Variants in HSD17B12 observed in about 807,000 individuals in gnomAD.
HSD17B12 encodes the protein hydroxysteroid 17-beta dehydrogenase 12, also known as very-long-chain 3-oxoacyl-CoA reductase.
Under a neutral mutation model 39.3 loss-of-function variants are expected in HSD17B12, and 32 were observed. The observed-to-expected ratio is 0.81, with a 90% confidence interval of 0.61 to 1.09. The LOEUF is 1.09. Among genes scored for constraint, HSD17B12 ranks in the 50% least tolerant of loss-of-function variants. The pLI, the probability that HSD17B12 is intolerant of heterozygous loss-of-function variation, is 0.00. For synonymous variants in HSD17B12, 150 were observed against 146.7 expected, an observed-to-expected ratio of 1.02 and a Z score of -0.16; for missense variants, 342 against 382.9, an observed-to-expected ratio of 0.89 and a Z score of 0.89.
Position 43,680,757 on chromosome 11 carries a change from C to A in HSD17B12, c.-71C>A. 2.9e-6 allele frequency: 4 copies of A among 1,399,476 alleles called. No homozygotes were observed. The highest frequency in any genetic ancestry group is 4.1e-6 in the Non-Finnish European group (4 of 986,480). The allele number at this position is 1,399,476 out of a possible 1,614,324, so 86.7% of individuals were successfully genotyped here. Reference sequence around the variant, plus strand: ...ATTAGTGTCATCCTCACCGTCACGGCCGGCGCCTCCTCCTGGATTCATTCA... The same window carrying A: ...ATTAGTGTCATCCTCACCGTCACGGACGGCGCCTCCTCCTGGATTCATTCA... On this transcript the variant is annotated 5_prime_UTR_variant, in exon 1 of 11. Coordinates refer to ENST00000278353, the MANE Select transcript of HSD17B12 (RefSeq NM_016142.3).
the HSD17B12 span, among the ~76,000 whole-genome samples, chr11:43,598,168 C>CA: frequency 6.6e-6 from 1 of 152,126 alleles, no homozygotes; most frequent in African/African-American, 2.4e-5. Flanking sequence ...GGCCTCCAGA[C>CA]ACCCAGAGTT....
chr11:43,733,439 A>C (rs1335591663), intron 1 of HSD17B12, among the ~76,000 whole-genome samples: 1 of 152,210 alleles, frequency 6.6e-6, no homozygotes, highest in Non-Finnish European at 1.5e-5. Flanking sequence ...TTGTCTGTAA[A>C]GTATCTGCTA....
the HSD17B12 span, among the ~76,000 whole-genome samples, chr11:43,662,142 G>A: frequency 6.6e-6 from 1 of 151,762 alleles, no homozygotes; most frequent in Non-Finnish European, 1.5e-5. Context: ...CCAGACTGCA[G>A]TGTGCTGTGA....
At chr11:43,756,417 A>G (rs1950508327) in intron 3 of HSD17B12, among the ~76,000 whole-genome samples, 1 of 152,164 alleles carries the variant, frequency 6.6e-6, no homozygotes, top group South Asian at 2.1e-4. Context: ...GAATTAAGCC[A>G]TGACACTAAT....
In HSD17B12 at chr11:43,804,260, G is replaced by A. The variant is rs569685116; in HGVS notation, c.391+5833G>A. ...TTTCCCCATGCCAGATGCTCTCAAG[G>A]CCTTCTCTGTCCATAGTGTTGATGG... On this transcript the variant is annotated intron_variant, in intron 4 of 10. Transcript: ENST00000278353. Among the ~76,000 whole-genome samples, 31 of 152,236 alleles carry A rather than the reference G, an allele frequency of 2.0e-4. No individual in the cohort carries two copies. The South Asian group carries it at 5.8e-3, about 29-fold the overall frequency.
intron 1 of HSD17B12, among the ~76,000 whole-genome samples, chr11:43,681,723 A>T (rs1949746994): frequency 6.6e-6 from 1 of 151,660 alleles, no homozygotes; most frequent in Non-Finnish European, 1.5e-5. Flanking sequence ...ACCCGTAAAG[A>T]GTGAACCAAA....
At chr11:43,702,230 G>A (rs928893221) in intron 1 of HSD17B12, among the ~76,000 whole-genome samples, 1 of 152,108 alleles carries the variant, frequency 6.6e-6, no homozygotes, top group Non-Finnish European at 1.5e-5. Flanking sequence ...GTTTTCTCAT[G>A]GAGTCCTTTG....
At chr11:43,692,830 A>T (rs1188926490) in intron 1 of HSD17B12, among the ~76,000 whole-genome samples, 1 of 145,726 alleles carries the variant, frequency 6.9e-6, no homozygotes, top group Non-Finnish European at 1.5e-5. Context: ...TCTCTTTGAT[A>T]GTAAATACAT....
chr11:43,824,421 A>G (rs993500756), intron 6 of HSD17B12, among the ~76,000 whole-genome samples: 1 of 152,220 alleles, frequency 6.6e-6, no homozygotes, highest in African/African-American at 2.4e-5. Context: ...GGTAGTTTAT[A>G]AAGAGCATAA....
intron 3 of HSD17B12, among the ~76,000 whole-genome samples, chr11:43,764,937 T>C (rs2134972891): frequency 6.6e-6 from 1 of 152,282 alleles, no homozygotes; most frequent in South Asian, 2.1e-4. Context: ...AACCTACCAA[T>C]TGCTTTTTGT....
At chr11:43,690,813 G>T (rs935401836) in intron 1 of HSD17B12, among the ~76,000 whole-genome samples, 6 of 151,972 alleles carry the variant, frequency 3.9e-5, no homozygotes, top group Non-Finnish European at 7.4e-5. Context: ...CTGTAAAATT[G>T]GGATAATTAT....
the HSD17B12 span, among the ~76,000 whole-genome samples, chr11:43,575,200 T>C: frequency 6.6e-6 from 1 of 152,238 alleles, no homozygotes; most frequent in Non-Finnish European, 1.5e-5. This position sits in a 1 kb window ranked among gnomAD's most constrained non-coding sequence, Gnocchi z 4.1. Context: ...ACTCGGATCA[T>C]TGCTCTCTGG....
chr11:43,851,152 T>C (rs1328798473), intron 9 of HSD17B12, among the ~76,000 whole-genome samples: 3 of 152,254 alleles, frequency 2.0e-5, no homozygotes, highest in Non-Finnish European at 2.9e-5. Context: ...CTTTGCTTTA[T>C]GGCCTAATTA....
intron 3 of HSD17B12, among the ~76,000 whole-genome samples, chr11:43,778,940 A>G (rs981348317): frequency 1.3e-5 from 2 of 152,230 alleles, no homozygotes; most frequent in Non-Finnish European, 2.9e-5. Flanking sequence ...TAGGAATAAA[A>G]TGTTAAACAC....
At chr11:43,794,570 C>T (rs866294807) in intron 3 of HSD17B12, among the ~76,000 whole-genome samples, 8 of 152,198 alleles carry the variant, frequency 5.3e-5, no homozygotes, top group African/African-American at 1.7e-4. Context: ...GACTATACTT[C>T]TGGAATCAGA....
chr11:43,664,263 T>C, the HSD17B12 span, among the ~76,000 whole-genome samples: 2 of 152,186 alleles, frequency 1.3e-5, no homozygotes. Context: ...AAGCAGAGGC[T>C]TACAGACCAT....
the HSD17B12 span, among the ~76,000 whole-genome samples, chr11:43,634,859 G>A: frequency 6.6e-6 from 1 of 152,200 alleles, no homozygotes; most frequent in South Asian, 2.1e-4. Context: ...TACTGTCACT[G>A]ATGACAGAAT....
At chr11:43,642,163 T>C in the HSD17B12 span, among the ~76,000 whole-genome samples, 1 of 151,728 alleles carries the variant, frequency 6.6e-6, no homozygotes, top group Non-Finnish European at 1.5e-5. Context: ...TGTGGTGAAA[T>C]AGAATCTAAA....
At chr11:43,732,276 T>C (rs1212243745) in intron 1 of HSD17B12, among the ~76,000 whole-genome samples, 2 of 152,180 alleles carry the variant, frequency 1.3e-5, no homozygotes, top group African/African-American at 2.4e-5. Context: ...CATGCTGAAC[T>C]ATGAGTCAAT....
Sources: allele counts gnomAD v4.1 joint callset (sites outside exome capture counted in the v4.1 genomes callset), GRCh38; gene constraint gnomAD v4.1.1; non-coding constraint Gnocchi (gnomAD v3.1); transcripts MANE v1.5; gene names NCBI Gene and HGNC (gene_info 2026-07-23, HGNC 2026-07-21).